The following PRKG1 variants were observed in gnomAD, a reference collection of about 807,000 sequenced individuals.
PRKG1 encodes the protein cGMP-dependent protein kinase 1.
PRKG1 carries 35 observed loss-of-function variants against 88.1 expected under a neutral mutation model. The ratio of observed to expected loss-of-function variants is 0.40; its 90% confidence interval spans 0.30 to 0.53. The LOEUF is 0.53. Among genes scored for constraint, PRKG1 ranks in the 20% least tolerant of loss-of-function variants. PRKG1 has a pLI of 0.59. For synonymous variants in PRKG1, 303 were observed against 292.5 expected, an observed-to-expected ratio of 1.04 and a Z score of -0.37; for missense variants, 540 against 839.8, an observed-to-expected ratio of 0.64 and a Z score of 4.41.
At chr10:52,185,586 T>C (rs1839177245) in intron 9 of PRKG1, among the ~76,000 whole-genome samples, 1 of 152,172 alleles carries the variant, frequency 6.6e-6, no homozygotes, top group Non-Finnish European at 1.5e-5. Flanking sequence ...GGGGACTCTT[T>C]GCAGGGGTGG....
intron 5 of PRKG1, among the ~76,000 whole-genome samples, chr10:51,943,407 A>G (rs1377825255): frequency 1.3e-5 from 2 of 151,990 alleles, no homozygotes; most frequent in African/African-American, 4.8e-5. Context: ...AAACAGGGAC[A>G]ATTTGACTTC....
chr10:51,635,426 T>G (rs1168904806), intron 3 of PRKG1, among the ~76,000 whole-genome samples: 1 of 152,066 alleles, frequency 6.6e-6, no homozygotes, highest in Non-Finnish European at 1.5e-5. Context: ...GCAAAAATAT[T>G]TTACCAATCA....
chr10:51,059,897 A>T (rs1189025680), intron 1 of PRKG1, among the ~76,000 whole-genome samples: 1 of 152,166 alleles, frequency 6.6e-6, no homozygotes, highest in Non-Finnish European at 1.5e-5. Context: ...TCTATCACTT[A>T]TTCTAAGAGA....
chr10:51,539,963 C>T (rs1409534870), intron 3 of PRKG1, among the ~76,000 whole-genome samples: 1 of 152,070 alleles, frequency 6.6e-6, no homozygotes, highest in East Asian at 1.9e-4. Context: ...ACTAAAATTG[C>T]TTTATTTCTG....
intron 5 of PRKG1, among the ~76,000 whole-genome samples, chr10:51,962,259 A>G (rs563918021): frequency 6.6e-6 from 1 of 152,282 alleles, no homozygotes; most frequent in East Asian, 1.9e-4. Context: ...TTTGTCAGAT[A>G]CTGAGGCATT....
chr10:51,120,097 A>C (rs561298582), intron 1 of PRKG1, among the ~76,000 whole-genome samples: 21 of 152,192 alleles, frequency 1.4e-4, no homozygotes, highest in African/African-American at 4.8e-4. Flanking sequence ...TTTAAGAAAA[A>C]GTTTGGAGCA....
At chr10:51,442,871 A>G (rs999706635) in intron 2 of PRKG1, among the ~76,000 whole-genome samples, 1 of 152,004 alleles carries the variant, frequency 6.6e-6, no homozygotes, top group Non-Finnish European at 1.5e-5. Flanking sequence ...TCTGTGGGTT[A>G]CCTGGATTCG....
chr10:51,976,844 A>C (rs1843849564), intron 5 of PRKG1, among the ~76,000 whole-genome samples: 1 of 152,050 alleles, frequency 6.6e-6, no homozygotes, highest in Non-Finnish European at 1.5e-5. Flanking sequence ...TTTTTAATTA[A>C]GTTATGACCT....
At chr10:51,766,227 C>T (rs201137016) in intron 3 of PRKG1, among the ~76,000 whole-genome samples, 19 of 152,152 alleles carry the variant, frequency 1.2e-4, no homozygotes, top group Admixed American at 7.2e-4. Context: ...CAGTTAAATA[C>T]GACGCTTTTA....
Position 51,859,353 on chromosome 10 carries a change from CTTTT to C in PRKG1, c.699-48144_699-48141del, listed in dbSNP as rs202084201. 1.1e-3 allele frequency among the ~76,000 whole-genome samples: 155 copies of C among 143,064 alleles called. 1 individual carries two copies. In the Middle Eastern group the frequency reaches 0.011, roughly 10 times the overall value. 93.9% of individuals were successfully genotyped at this position (143,064 alleles called of 152,430 possible). A position where few individuals can be genotyped will look rare whatever the true frequency, so the allele number is the denominator to read the frequency against. On this transcript the variant is annotated intron_variant, in intron 4 of 17. Coordinates refer to ENST00000373980, the MANE Select transcript of PRKG1 (RefSeq NM_006258.4). ...AGTGGCACCTTAAGCCTTTTTCTTT[CTTTT>C]TTTTTTTTTCTTCATGTGAAGAGAG...
At chr10:51,469,643 T>C (rs1839997300) in intron 3 of PRKG1, among the ~76,000 whole-genome samples, 1 of 151,892 alleles carries the variant, frequency 6.6e-6, no homozygotes. Flanking sequence ...AGAAACTAGA[T>C]GTTGAATGCA....
chr10:51,286,481 A>G (rs1209848714), intron 2 of PRKG1, among the ~76,000 whole-genome samples: 1 of 152,134 alleles, frequency 6.6e-6, no homozygotes, highest in Non-Finnish European at 1.5e-5. Context: ...TCCTTTAGAA[A>G]ATATTATATA....
intron 5 of PRKG1, among the ~76,000 whole-genome samples, chr10:52,025,643 G>A (rs1441361028): frequency 6.6e-6 from 1 of 151,676 alleles, no homozygotes; most frequent in Non-Finnish European, 1.5e-5. Context: ...TTGTAGATGT[G>A]TGCTGTTATT....
intron 3 of PRKG1, among the ~76,000 whole-genome samples, chr10:51,779,545 G>A (rs947989744): frequency 6.6e-5 from 10 of 151,922 alleles, no homozygotes; most frequent in Admixed American, 6.6e-4. Context: ...TTGAAAATTT[G>A]CTATTGAGCC....
chr10:51,548,668 A>G (rs953504124), intron 3 of PRKG1, among the ~76,000 whole-genome samples: 5 of 152,264 alleles, frequency 3.3e-5, no homozygotes, highest in South Asian at 2.1e-4. Context: ...CTACTTCAAA[A>G]GCATTTTTGT....
At chr10:51,316,438 C>G (rs1841322403) in intron 2 of PRKG1, among the ~76,000 whole-genome samples, 1 of 152,164 alleles carries the variant, frequency 6.6e-6, no homozygotes. Context: ...AATTCCAGCA[C>G]TTTGGGAGGC....
At chr10:51,997,032 A>G (rs1275026076) in intron 5 of PRKG1, among the ~76,000 whole-genome samples, 3 of 152,168 alleles carry the variant, frequency 2.0e-5, no homozygotes, top group Admixed American at 6.5e-5. Flanking sequence ...AAAAAGTACC[A>G]TATGACTTCA....
At chr10:51,664,224 A>G (rs538638449) in intron 3 of PRKG1, among the ~76,000 whole-genome samples, 32 of 152,310 alleles carry the variant, frequency 2.1e-4, no homozygotes, top group African/African-American at 6.7e-4. Context: ...TGACAAACAT[A>G]ATTTGACAGA....
At chr10:51,166,844 G>A (rs144015382) in intron 2 of PRKG1, among the ~76,000 whole-genome samples, 11 of 152,180 alleles carry the variant, frequency 7.2e-5, no homozygotes, top group Admixed American at 3.3e-4. Context: ...TTTGACAAGC[G>A]TATTATATGA....
Sources: gnomAD v4.1 joint callset for allele counts (sites outside exome capture counted in the v4.1 genomes callset) on GRCh38, gnomAD v4.1.1 for gene constraint, MANE v1.5 for transcripts, NCBI Gene and HGNC (gene_info 2026-07-23, HGNC 2026-07-21) for gene names.